The following DNAI3 variants were observed in gnomAD, a reference collection of about 807,000 sequenced individuals.
The protein encoded by DNAI3 is WD repeat domain 63.
DNAI3 carries 83 observed loss-of-function variants against 115.5 expected under a neutral mutation model. The ratio of observed to expected loss-of-function variants is 0.72; its 90% CI spans 0.60 to 0.86. The LOEUF (loss-of-function observed/expected upper bound fraction) is 0.86. DNAI3 is among the 40% of genes least tolerant of loss of function. The pLI is 0.00. For synonymous variants in DNAI3, 320 were observed against 347.0 expected, an observed-to-expected ratio of 0.92 and a Z score of 0.86; for missense variants, 1,004 against 1,075.8, an observed-to-expected ratio of 0.93 and a Z score of 0.93.
Position 85,094,509 on chromosome 1 carries a change from C to G in DNAI3, c.1127C>G (p.Pro376Arg), listed in dbSNP as rs768753877. The G allele has an allele frequency of 6.2e-7, 1 of 1,614,204 alleles. No individual in the cohort carries two copies. Among genetic ancestry groups the G allele is most frequent in the East Asian group, 2.2e-5 (1 of 44,888 alleles). ...VHFSGKLLLQPSLILFWSFSD... is the reference protein window; with the variant it reads ...VHFSGKLLLQRSLILFWSFSD... ...TTTTCTGGTAAATTATTGCTGCAGC[C>G]ATCACTGATTCTTTTCTGGAGCTTC... The change falls in exon 10 of 23, where the codon CCA becomes CGA. Residue 376 changes from proline to arginine, a missense_variant. Pro to Arg is a moderately radical substitution (Grantham distance 103). Around this residue, in one of 3 missense-constraint regions of DNAI3, gnomAD observed 550 missense variants for 568.1 expected, o/e 0.97. Coordinates refer to ENST00000294664, the MANE Select transcript of DNAI3 (RefSeq NM_145172.5).
rs566491671 is a variant in DNAI3, at chr1:85,115,769, T to C, written c.1787-1960T>C. On this transcript the variant is annotated intron_variant, in intron 16 of 22. Coordinates refer to ENST00000294664, the MANE Select transcript of DNAI3 (RefSeq NM_145172.5). ...GAGCGTGCAACCTAGATCCCTTGAA[T>C]GTCCAGTTCACAATAGTGTTCACGC... 2.0e-5 allele frequency among the ~76,000 whole-genome samples: 3 copies of C among 152,262 alleles called. No homozygotes were observed. The East Asian group carries it at 5.8e-4, about 29-fold the overall frequency.
In DNAI3 at chr1:85,090,128, A is replaced by C. The variant is rs752757247; in HGVS notation, c.753A>C (p.Lys251Asn). The C allele has an allele frequency of 1.9e-6, 3 of 1,554,386 alleles. No individual in the cohort carries two copies. The highest frequency in any genetic ancestry group is 2.0e-5 in the Admixed American group (1 of 50,182). ...ISTQTKWTYP[K>N]NATTQYYPRE... ...TTTAATATATTAGGACATATCCTAA[A>C]AATGCTACTACGCAATATTATCCAA... The change falls in exon 8 of 23, where the codon AAA becomes AAC. Residue 251 changes from lysine (K) to asparagine (N), a missense_variant. Around this residue, in one of 3 missense-constraint regions of DNAI3, gnomAD observed 550 missense variants for 568.1 expected, o/e 0.97. Transcript: ENST00000294664.
intron 1 of DNAI3, among the ~76,000 whole-genome samples, chr1:85,071,085 CT>C (rs1260649606): frequency 1.3e-5 from 2 of 152,182 alleles, no homozygotes; most frequent in Non-Finnish European, 2.9e-5. Flanking sequence ...ATTGATGACA[CT>C]TTATTTCATT....
At chr1:85,112,288 CAG>C (rs139764046) in intron 16 of DNAI3, among the ~76,000 whole-genome samples, 7,876 of 152,226 alleles carry the variant, frequency 0.052, 268 homozygotes, top group East Asian at 0.15. Context: ...CTTTTTATTA[CAG>C]AGTGGCATTT....
intron 16 of DNAI3, among the ~76,000 whole-genome samples, chr1:85,113,992 G>A (rs1303800638): frequency 1.4e-5 from 2 of 147,266 alleles, no homozygotes; most frequent in Non-Finnish European, 1.5e-5. Context: ...TTCACTGCCA[G>A]TGTATAAAAA....
chr1:85,088,623 T>C (rs1307395811), intron 7 of DNAI3, among the ~76,000 whole-genome samples: 1 of 152,146 alleles, frequency 6.6e-6, no homozygotes, highest in African/African-American at 2.4e-5. Context: ...TCACAAGTGC[T>C]CTCTGAGGTA....
intron 2 of DNAI3, 95 bp from the exon 3 acceptor site, chr1:85,072,959 A>AG: frequency 3.1e-5 from 22 of 705,060 alleles, no homozygotes; most frequent in Admixed American, 4.6e-5. Context: ...CGTCTCAAAA[A>AG]AAAAAAAAAA....
intron 20 of DNAI3, 47 bp from the exon 21 acceptor site, chr1:85,128,661 T>C (rs1656220578): frequency 2.0e-6 from 3 of 1,508,556 alleles, no homozygotes; most frequent in East Asian, 4.5e-5. Context: ...CTTAAGATGG[T>C]TTTCTGTTTG....
rs749122719 is a variant in DNAI3, at chr1:85,128,821, T to C, written c.2409+22T>C. On this transcript the variant is annotated intron_variant, in intron 21 of 22. Coordinates refer to ENST00000294664, the MANE Select transcript of DNAI3 (RefSeq NM_145172.5). ...TGAGGTTAGTAACTAACTTATGACT[T>C]TGAGAATTAATGTGACCAGATATTG... 22 of 1,591,708 alleles carry C rather than the reference T, an allele frequency of 1.4e-5. No individual in the cohort carries two copies. In the East Asian group the frequency reaches 4.7e-4, roughly 34 times the overall value.
At chr1:85,078,344 A>C (rs1054298329) in intron 3 of DNAI3, among the ~76,000 whole-genome samples, 4 of 152,236 alleles carry the variant, frequency 2.6e-5, no homozygotes, top group African/African-American at 9.6e-5. Context: ...AGACTAAATG[A>C]GTTAATAATA....
intron 18 of DNAI3, among the ~76,000 whole-genome samples, chr1:85,123,787 T>C (rs1043609743): frequency 3.9e-5 from 6 of 152,250 alleles, no homozygotes; most frequent in Admixed American, 3.9e-4. Flanking sequence ...TACTAACCAT[T>C]GTCTACCCAG....
chr1:85,096,737 A>G (rs1655136594), intron 11 of DNAI3, among the ~76,000 whole-genome samples: 1 of 151,878 alleles, frequency 6.6e-6, no homozygotes, highest in South Asian at 2.1e-4. Flanking sequence ...GGTTTGAAAA[A>G]CTTCCTTGTG....
At chr1:85,093,905 G>A in intron 9 of DNAI3, 1 of 592,322 alleles carries the variant, frequency 1.7e-6, no homozygotes, top group East Asian at 3.8e-5. Context: ...GACTCGCCCA[G>A]GTCACCCAGA....
chr1:85,101,029 G>C (rs181458759), intron 13 of DNAI3, among the ~76,000 whole-genome samples: 6 of 151,902 alleles, frequency 3.9e-5, no homozygotes, highest in African/African-American at 1.4e-4. Flanking sequence ...GCTAAATGAC[G>C]AGTGAATGGG....
chr1:85,098,760 T>C (rs549417662), intron 13 of DNAI3, 102 bp downstream of exon 13: 1 of 1,522,474 alleles, frequency 6.6e-7, no homozygotes, highest in East Asian at 2.3e-5. Context: ...ACACTTAAAT[T>C]GTGAAATAAC....
chr1:85,077,777 A>G (rs1557708144), intron 3 of DNAI3, among the ~76,000 whole-genome samples: 1 of 152,054 alleles, frequency 6.6e-6, no homozygotes, highest in South Asian at 2.1e-4. Context: ...GGGTATGTGC[A>G]TATATTTATC....
intron 16 of DNAI3, among the ~76,000 whole-genome samples, chr1:85,110,998 T>TA (rs1396825933): frequency 6.6e-6 from 1 of 152,178 alleles, no homozygotes; most frequent in African/African-American, 2.4e-5. Context: ...ACTATTAAGA[T>TA]AAAGGTATGC....
intron 17 of DNAI3, among the ~76,000 whole-genome samples, chr1:85,119,924 T>C (rs1655941329): frequency 6.6e-6 from 1 of 152,232 alleles, no homozygotes; most frequent in South Asian, 2.1e-4. Context: ...GGTCTTGAAC[T>C]CCTGACCTCA....
chr1:85,099,238 C>T, intron 13 of DNAI3: 3 of 985,246 alleles, frequency 3.0e-6, no homozygotes, highest in African/African-American at 3.5e-5. Flanking sequence ...CACATGTTTT[C>T]CTCAAGGGCA....
Sources: gnomAD v4.1 joint callset for allele counts (sites outside exome capture counted in the v4.1 genomes callset) on GRCh38, gnomAD v4.1.1 for gene constraint, gnomAD v4.1.1 regional missense constraint, MANE v1.5 for transcripts, NCBI Gene and HGNC (gene_info 2026-07-23, HGNC 2026-07-21) for gene names.